OLFM3: variants seen among roughly 807,000 people sequenced by gnomAD.
OLFM3 encodes the protein noelin-3.
In OLFM3, 20 loss-of-function variants were observed where a neutral mutation model predicts 48.6. The ratio of observed to expected loss-of-function variants is 0.41; its 90% CI spans 0.29 to 0.60. The LOEUF is 0.60. Ranked by LOEUF, OLFM3 falls within the 20% of genes least tolerant of loss-of-function variation. OLFM3 has a pLI of 0.28. For missense variants in OLFM3, 437 were observed against 544.3 expected (o/e 0.80, Z 1.96); for synonymous variants, 222 against 198.1 (o/e 1.12, Z -1.01).
chr1:101,850,027 T>C (rs1205049280), intron 1 of OLFM3, among the ~76,000 whole-genome samples: 1 of 152,176 alleles, frequency 6.6e-6, no homozygotes. Flanking sequence ...GTGTCCTACA[T>C]GTATGAAAAA....
intron 1 of OLFM3, among the ~76,000 whole-genome samples, chr1:101,989,867 TTGAG>T (rs916897014): frequency 6.6e-6 from 1 of 152,186 alleles, no homozygotes; most frequent in African/African-American, 2.4e-5. Flanking sequence ...TCTGCCTTGA[TTGAG>T]TAACTTGAGA....
intron 1 of OLFM3, among the ~76,000 whole-genome samples, chr1:101,945,634 TCTTA>T (rs1659941264): frequency 1.3e-5 from 2 of 151,992 alleles, no homozygotes; most frequent in African/African-American, 4.8e-5. Context: ...TGTACACTTA[TCTTA>T]ATTTTTTTTG....
At chr1:101,817,143 T>C (rs1654370829) in intron 4 of OLFM3, among the ~76,000 whole-genome samples, 1 of 152,138 alleles carries the variant, frequency 6.6e-6, no homozygotes, top group African/African-American at 2.4e-5. Flanking sequence ...CTAGCCTTTG[T>C]TCAAATAAAT....
intron 4 of OLFM3, among the ~76,000 whole-genome samples, chr1:101,810,258 G>A (rs1653985539): frequency 6.6e-6 from 1 of 151,838 alleles, no homozygotes; most frequent in Admixed American, 6.6e-5. Flanking sequence ...AGCAGAGTTG[G>A]AGAAGTTATC....
At chr1:101,985,003 A>G (rs977767285) in intron 1 of OLFM3, among the ~76,000 whole-genome samples, 2 of 152,192 alleles carry the variant, frequency 1.3e-5, no homozygotes, top group African/African-American at 2.4e-5. Flanking sequence ...TTAAAATCAA[A>G]CTGTCAGCAG....
intron 4 of OLFM3, among the ~76,000 whole-genome samples, chr1:101,821,722 G>A (rs1399632504): frequency 6.6e-6 from 1 of 152,058 alleles, no homozygotes; most frequent in African/African-American, 2.4e-5. Flanking sequence ...AATAATCTAT[G>A]AAAGCATTTA....
intron 1 of OLFM3, among the ~76,000 whole-genome samples, chr1:101,984,317 C>T (rs1484602654): frequency 6.8e-6 from 1 of 146,996 alleles, no homozygotes; most frequent in Non-Finnish European, 1.5e-5. Context: ...TACCTAACAA[C>T]AAAATGATTT....
rs1380188396 is a variant in OLFM3 at position 101,804,739 on chromosome 1, G to A, written c.876C>T (p.Ile292=). ...LYFNKYQSNI[I]IKYSFDMGRV... ...TCCCCATATCAAAGCTGTATTTGAT[G>A]ATGATATTACTCTGATACTTGTTAA... Residue 292 remains isoleucine (I), a synonymous_variant, in exon 6 of 6, where the codon ATC becomes ATT. Transcript: ENST00000370103. The surrounding 1 kb of genome is among the most constrained non-coding windows in gnomAD (Gnocchi z 4.5). 1 of 1,612,702 alleles carries A rather than the reference G, an allele frequency of 6.2e-7. No homozygotes were observed. The highest frequency in any genetic ancestry group is 1.7e-5 in the Admixed American group (1 of 59,838).
At chr1:101,927,055 T>C (rs1659294097) in intron 1 of OLFM3, among the ~76,000 whole-genome samples, 1 of 152,170 alleles carries the variant, frequency 6.6e-6, no homozygotes, top group South Asian at 2.1e-4. Flanking sequence ...TAGCTTGAAA[T>C]CTTTTTAGAA....
At chr1:101,937,605 TG>T (rs1157830011) in intron 1 of OLFM3, among the ~76,000 whole-genome samples, 27 of 152,324 alleles carry the variant, frequency 1.8e-4, no homozygotes, top group African/African-American at 6.3e-4. Flanking sequence ...AGACGTGACT[TG>T]CTCCTCCTTG....
intron 1 of OLFM3, chr1:101,893,022 A>G (rs1267394268): frequency 6.5e-6 from 1 of 153,484 alleles, no homozygotes; most frequent in Non-Finnish European, 1.5e-5. Context: ...CATTCTAATC[A>G]ACCTCAGTTC....
intron 1 of OLFM3, among the ~76,000 whole-genome samples, chr1:101,982,904 CT>C (rs1450453961): frequency 8.2e-6 from 1 of 121,330 alleles, no homozygotes; most frequent in Non-Finnish European, 1.7e-5. Flanking sequence ...CTCTGTCTTT[CT>C]TTGTTTTTAC....
chr1:101,825,746 G>T (rs1654832156), intron 3 of OLFM3, among the ~76,000 whole-genome samples: 1 of 152,140 alleles, frequency 6.6e-6, no homozygotes, highest in African/African-American at 2.4e-5. Context: ...TGTGGACTCT[G>T]GATCAGCTTT....
At chr1:101,816,316 G>A (rs188368161) in intron 4 of OLFM3, among the ~76,000 whole-genome samples, 1 of 152,292 alleles carries the variant, frequency 6.6e-6, no homozygotes, top group African/African-American at 2.4e-5. Flanking sequence ...TTGTTGTGCT[G>A]ATGATGGTTA....
intron 1 of OLFM3, among the ~76,000 whole-genome samples, chr1:101,936,944 A>G (rs1376689717): frequency 6.6e-6 from 1 of 152,190 alleles, no homozygotes; most frequent in Non-Finnish European, 1.5e-5. Context: ...CCTTCCGTAC[A>G]TCATATATGA....
chr1:101,967,532 T>G (rs1660647828), intron 1 of OLFM3, among the ~76,000 whole-genome samples: 1 of 142,590 alleles, frequency 7.0e-6, no homozygotes, highest in Non-Finnish European at 1.5e-5. Flanking sequence ...AACACTTTCA[T>G]TTTGGGATCC....
At chr1:101,842,955 T>C (rs1438651546) in intron 1 of OLFM3, among the ~76,000 whole-genome samples, 1 of 152,206 alleles carries the variant, frequency 6.6e-6, no homozygotes, top group Non-Finnish European at 1.5e-5. Context: ...CCTTAATTTG[T>C]TCAGTTGCCC....
intron 1 of OLFM3, among the ~76,000 whole-genome samples, chr1:101,892,489 A>G (rs1658040971): frequency 2.6e-5 from 4 of 152,132 alleles, no homozygotes; most frequent in South Asian, 2.1e-4. Flanking sequence ...AAATCTTAGT[A>G]GAAAAATATG....
intron 4 of OLFM3, among the ~76,000 whole-genome samples, chr1:101,815,589 T>C (rs905911681): frequency 6.9e-6 from 1 of 145,982 alleles, no homozygotes; most frequent in African/African-American, 2.5e-5. Context: ...GGATTAGATG[T>C]GAGGAAAGGG....
Sources: gnomAD v4.1 joint callset for allele counts (sites outside exome capture counted in the v4.1 genomes callset) on GRCh38, gnomAD v4.1.1 for gene constraint, Gnocchi (gnomAD v3.1) non-coding constraint, MANE v1.5 for transcripts, NCBI Gene and HGNC (gene_info 2026-07-23, HGNC 2026-07-21) for gene names.